The following MYO18B variants were observed in gnomAD, a reference collection of about 807,000 sequenced individuals.
MYO18B encodes myosin XVIIIB.
Under a neutral mutation model 273.0 loss-of-function variants are expected in MYO18B, and 204 were observed. The ratio of observed to expected loss-of-function variants is 0.75; its 90% CI spans 0.67 to 0.84. The LOEUF is 0.84. Among genes scored for constraint, MYO18B ranks in the 40% least tolerant of loss-of-function variants. The pLI is 0.00. For missense variants in MYO18B, 3,212 were observed against 3,287.6 expected, an observed-to-expected ratio of 0.98 and a Z score of 0.56; for synonymous variants, 1,330 against 1,305.7, an observed-to-expected ratio of 1.02 and a Z score of -0.40.
chr22:25,897,372 A>G (rs8141239), intron 28 of MYO18B: 1 of 152,220 alleles, frequency 6.6e-6, no homozygotes, highest in Non-Finnish European at 1.5e-5. Flanking sequence ...GATATCCTCT[A>G]TGCTGATGGT....
chr22:25,817,914 C>A (rs1250008037), intron 12 of MYO18B, among the ~76,000 whole-genome samples: 1 of 152,190 alleles, frequency 6.6e-6, no homozygotes, highest in East Asian at 1.9e-4. Context: ...GTGTGGCCGG[C>A]CACTCTGCCC....
At chr22:26,043,109 G>A in the MYO18B span, among the ~76,000 whole-genome samples, 3 of 152,142 alleles carry the variant, frequency 2.0e-5, no homozygotes, top group Non-Finnish European at 4.4e-5. Context: ...ATCGTCATAG[G>A]TTATTTTTAC....
chr22:25,829,636 C>G (rs2089634261), intron 15 of MYO18B, among the ~76,000 whole-genome samples: 1 of 151,994 alleles, frequency 6.6e-6, no homozygotes, highest in Non-Finnish European at 1.5e-5. Flanking sequence ...GTCAGGAGTT[C>G]AAGACCAGCC....
rs1374857566 is a variant in MYO18B at position 25,768,096 on chromosome 22, G to T, written c.199-19G>T. On this transcript the variant is annotated intron_variant, in intron 3 of 43. Transcript: ENST00000335473. ...GTCAGCAAGCAGCTATGTAGGCATG[G>T]TTGTGTTCTTTCTCCCAGATCCCAG... 2.5e-6 allele frequency: 4 copies of T among 1,570,402 alleles called. No individual in the cohort carries two copies. The African/African-American group carries it at 5.4e-5, about 21-fold the overall frequency.
intron 38 of MYO18B, among the ~76,000 whole-genome samples, chr22:25,954,401 T>C (rs1231789306): frequency 6.6e-6 from 1 of 151,996 alleles, no homozygotes; most frequent in Non-Finnish European, 1.5e-5. Context: ...GAGTTCTCTC[T>C]TCATTGCACC....
At position 26,027,240 on chromosome 22, in the gene MYO18B, C is replaced by G. The variant is rs538807907; in HGVS notation, c.7266C>G (p.Asp2422Glu). ...TGATGGAGGAACCTCTAGGCAGTGACCCATTCAGCTGGAAACTCCCAAGCC... is the reference window on the plus strand; with the variant it reads ...TGATGGAGGAACCTCTAGGCAGTGAGCCATTCAGCTGGAAACTCCCAAGCC... ...AHLMEEPLGS[D>E]PFSWKLPSLD... Residue 2422 changes from aspartate (D) to glutamate (E), a missense_variant, in exon 43 of 44, where the codon GAC (aspartate) becomes GAG (glutamate). Physicochemically the swap from Asp to Glu is conservative, Grantham distance 45. Transcript: ENST00000335473. This position sits in a 1 kb window ranked among gnomAD's most constrained non-coding sequence, Gnocchi z 4.1. 6 of 1,613,988 alleles carry G rather than the reference C, an allele frequency of 3.7e-6. No homozygotes were observed. The South Asian group carries it at 6.6e-5, about 18-fold the overall frequency.
At chr22:25,778,382 G>A (rs2087000132) in intron 8 of MYO18B, among the ~76,000 whole-genome samples, 1 of 152,274 alleles carries the variant, frequency 6.6e-6, no homozygotes, top group South Asian at 2.1e-4. Context: ...TTAAAAAAGA[G>A]TACCAATTAA....
intron 40 of MYO18B, among the ~76,000 whole-genome samples, chr22:25,997,189 G>T (rs1333789589): frequency 1.3e-5 from 2 of 151,536 alleles, no homozygotes; most frequent in African/African-American, 4.9e-5. Context: ...CGGGCTTGGT[G>T]GTGCACTTGG....
chr22:25,763,245 C>A lies in MYO18B; in HGVS notation c.54C>A (p.Asp18Glu), dbSNP rs568883206. 2.5e-6 allele frequency: 4 copies of A among 1,609,912 alleles called. No individual in the cohort carries two copies. The Admixed American group carries it at 6.7e-5, about 27-fold the overall frequency. ...CTGCAAAACAGATTCGGGAAGAGGA[C>A]AAGAGCCCTCCACCATCCTCGCCCC... ...ALWEQKIREE[D>E]KSPPPSSPPP... The change falls in exon 3 of 44, where the codon GAC (aspartate) becomes GAA (glutamate). Residue 18 changes from aspartate to glutamate, a missense_variant. Physicochemically the swap from Asp to Glu is conservative, Grantham distance 45 (BLOSUM62 2). Coordinates refer to ENST00000335473, the MANE Select transcript of MYO18B (RefSeq NM_032608.7).
intron 33 of MYO18B, 23 bp from the exon 34 acceptor site, chr22:25,921,234 A>T (rs752470679): frequency 1.9e-6 from 3 of 1,542,478 alleles, no homozygotes; most frequent in East Asian, 2.5e-5. Flanking sequence ...ACCTAAGCTC[A>T]TGGGTCTCCC....
intron 7 of MYO18B, among the ~76,000 whole-genome samples, chr22:25,773,510 C>T (rs1486391098): frequency 6.6e-6 from 1 of 152,120 alleles, no homozygotes; most frequent in Non-Finnish European, 1.5e-5. Context: ...GTCGCCCAGG[C>T]TGGAGTGCAG....
At chr22:25,812,967 T>G (rs1227168263) in intron 12 of MYO18B, among the ~76,000 whole-genome samples, 3 of 152,020 alleles carry the variant, frequency 2.0e-5, no homozygotes, top group African/African-American at 7.2e-5. Context: ...CTTTCTCCTC[T>G]TTCTCTTCCT....
intron 17 of MYO18B, among the ~76,000 whole-genome samples, chr22:25,841,675 C>T (rs897194129): frequency 5.3e-5 from 8 of 152,108 alleles, no homozygotes; most frequent in Admixed American, 1.3e-4. Flanking sequence ...TGCTAGGAGC[C>T]GGGGCTTAGC....
intron 32 of MYO18B, among the ~76,000 whole-genome samples, chr22:25,909,960 A>T (rs1262219378): frequency 6.6e-6 from 1 of 152,198 alleles, no homozygotes; most frequent in African/African-American, 2.4e-5. Flanking sequence ...CCCGTGAAAT[A>T]GGATCTCTGA....
At chr22:25,950,340 T>A (rs1333705188) in intron 36 of MYO18B, 27 bp from the exon 37 acceptor site, 1 of 1,467,878 alleles carries the variant, frequency 6.8e-7, no homozygotes, top group South Asian at 1.2e-5. Flanking sequence ...GGGTGATATA[T>A]ATACATTTTT....
chr22:25,875,971 G>C (rs73879577), intron 23 of MYO18B, among the ~76,000 whole-genome samples: 1,718 of 151,690 alleles, frequency 0.011, 22 homozygotes, highest in African/African-American at 0.039. Context: ...CAGAGAGCCT[G>C]ACATATCAAA....
intron 1 of MYO18B, among the ~76,000 whole-genome samples, chr22:25,757,440 T>C (rs2086159081): frequency 6.6e-6 from 1 of 150,760 alleles, no homozygotes; most frequent in Non-Finnish European, 1.5e-5. Context: ...TACAAAAAAT[T>C]AGCGGGCGTG....
chr22:25,934,509 A>C (rs1306318688), intron 34 of MYO18B, among the ~76,000 whole-genome samples: 1 of 152,070 alleles, frequency 6.6e-6, no homozygotes, highest in African/African-American at 2.4e-5. Flanking sequence ...TATTTCTCCA[A>C]GGTTGAGGAC....
chr22:25,954,640 A>G (rs1341696832), intron 38 of MYO18B, among the ~76,000 whole-genome samples: 1 of 152,102 alleles, frequency 6.6e-6, no homozygotes, highest in African/African-American at 2.4e-5. Flanking sequence ...TGGGATTTGA[A>G]CCCAGAGGGT....
Sources: gnomAD v4.1 joint callset for allele counts (sites outside exome capture counted in the v4.1 genomes callset) on GRCh38, gnomAD v4.1.1 for gene constraint, Gnocchi (gnomAD v3.1) non-coding constraint, MANE v1.5 for transcripts, NCBI Gene and HGNC (gene_info 2026-07-23, HGNC 2026-07-21) for gene names.